Variants in TP53BP1 observed in about 807,000 individuals in gnomAD.
TP53BP1 encodes the protein tumor protein p53 binding protein 1.
TP53BP1 carries 61 observed loss-of-function variants against 200.8 expected under a neutral mutation model. That is an observed-to-expected ratio of 0.30 (90% CI 0.25 to 0.38). TP53BP1 has a LOEUF of 0.38. Ranked by LOEUF, TP53BP1 falls within the 10% of genes least tolerant of loss-of-function variation. The pLI is 1.00. For synonymous variants in TP53BP1, 822 were observed against 844.3 expected, an observed-to-expected ratio of 0.97 and a Z score of 0.46; for missense variants, 2,144 against 2,371.9, an observed-to-expected ratio of 0.90 and a Z score of 2.00.
chr15:43,510,573 G>T, exon 1 of TP53BP1: 1 of 182,854 alleles, frequency 5.5e-6, no homozygotes, highest in African/African-American at 2.4e-5. Context: ...TGGAGGCAAC[G>T]ATACAAACTC....
chr15:43,474,551 T>G (rs2046809670), intron 10 of TP53BP1, 122 bp downstream of exon 10: 3 of 575,328 alleles, frequency 5.2e-6, no homozygotes, highest in Non-Finnish European at 9.1e-6. Flanking sequence ...CAAACATGAG[T>G]CCTACCGAAT....
chr15:43,491,672 C>T lies in TP53BP1; in HGVS notation c.368G>A (p.Ser123Asn), dbSNP rs1312529923. ...AACCCCTTCAAACACTGTATACCTG[C>T]TTGTCCTGTTTGGCTGAGGTAACTG... ...IEQLPQPNRTSSVLGMSVESA... is the reference protein window; with the variant it reads ...IEQLPQPNRTNSVLGMSVESA... The change falls in exon 4 of 28, where the codon AGC (serine) becomes AAC (asparagine). Residue 123 changes from serine to asparagine, a missense_variant. Coordinates refer to ENST00000382044, the MANE Select transcript of TP53BP1 (RefSeq NM_001141980.3). 1.2e-6 allele frequency: 2 copies of T among 1,611,596 alleles called. No individual in the cohort carries two copies. The highest frequency in any genetic ancestry group is 1.1e-5 in the South Asian group (1 of 91,018).
At position 43,492,009 on chromosome 15, in the gene TP53BP1, CTTG is replaced by C. The variant is rs1219971001; in HGVS notation, c.276_278del (p.Asn92del). The C allele has an allele frequency of 6.2e-7, 1 of 1,613,302 alleles. No individual in the cohort carries two copies. On this transcript the variant is annotated inframe_deletion, in exon 3 of 28. Transcript: ENST00000382044. ...TAGCTTTAAACACCTCACCTGCAACCTTGTTTTCTTTCAAATGTTCATTGAACC... is the reference window on the plus strand; with the variant it reads ...TAGCTTTAAACACCTCACCTGCAACCTTTTCTTTCAAATGTTCATTGAACC...
At position 43,404,334 on chromosome 15, in the gene TP53BP1, C is replaced by A; in HGVS notation, c.*3049G>T. On this transcript the variant is annotated 3_prime_UTR_variant, in exon 28 of 28. Transcript: ENST00000382044. ...TTTTGAACAAGGCTTTTCCAAGAAA[C>A]TCCTCCCTCCGCCCCCATCCTCCAT... 1 of 1,550,664 alleles carries A rather than the reference C, an allele frequency of 6.4e-7. No individual in the cohort carries two copies. The highest frequency in any genetic ancestry group is 8.7e-7 in the Non-Finnish European group (1 of 1,144,108).
chr15:43,466,563 T>C (rs2046584709), intron 11 of TP53BP1, among the ~76,000 whole-genome samples: 1 of 152,178 alleles, frequency 6.6e-6, no homozygotes, highest in East Asian at 1.9e-4. Flanking sequence ...AATTTTTTTA[T>C]GAAAATAGGC....
chr15:43,420,163 T>C lies in TP53BP1; in HGVS notation c.4681+142A>G, dbSNP rs974412656. ...CAAACAGAAAAGTCAGTGGCAAGAG[T>C]AACCAATTTTGTAGGAATGAAATTT... On this transcript the variant is annotated intron_variant, in intron 21 of 27. Coordinates refer to ENST00000382044, the MANE Select transcript of TP53BP1 (RefSeq NM_001141980.3). 52 of 793,720 alleles carry C rather than the reference T, an allele frequency of 6.6e-5. No individual in the cohort carries two copies. The South Asian group carries it at 9.1e-4, about 14-fold the overall frequency. 49.2% of individuals were successfully genotyped at this position (793,720 alleles called of 1,614,324 possible). A position where few individuals can be genotyped will look rare whatever the true frequency, so the allele number is the denominator to read the frequency against.
At chr15:43,415,841 A>G in intron 22 of TP53BP1, 32 bp from the exon 23 acceptor site, 2 of 1,591,586 alleles carry the variant, frequency 1.3e-6, no homozygotes, top group East Asian at 2.2e-5. Context: ...AGGTTGGTCA[A>G]ACTCTATGGT....
At chr15:43,475,918 C>T (rs572846008) in intron 8 of TP53BP1, among the ~76,000 whole-genome samples, 1 of 152,304 alleles carries the variant, frequency 6.6e-6, no homozygotes, top group African/African-American at 2.4e-5. Context: ...GAATAAAGAA[C>T]TGATGAAGAG....
intron 12 of TP53BP1, among the ~76,000 whole-genome samples, chr15:43,452,278 G>T (rs1037019041): frequency 6.6e-6 from 1 of 151,960 alleles, no homozygotes; most frequent in Admixed American, 6.6e-5. Flanking sequence ...AAAAACTATT[G>T]TTCTCGGCTG....
chr15:43,444,878 C>T (rs141994576), intron 14 of TP53BP1, among the ~76,000 whole-genome samples: 2 of 152,142 alleles, frequency 1.3e-5, no homozygotes, highest in African/African-American at 4.8e-5. Context: ...TAATCTATGC[C>T]TCCCTCTTTT....
intron 26 of TP53BP1, 46 bp downstream of exon 26, chr15:43,408,851 G>C (rs1478715330): frequency 1.3e-6 from 2 of 1,577,844 alleles, no homozygotes; most frequent in African/African-American, 2.7e-5. Context: ...TCCAAAGCTT[G>C]CTGTCCTCCT....
At chr15:43,470,384 T>C (rs1354158746) in intron 10 of TP53BP1, among the ~76,000 whole-genome samples, 1 of 152,240 alleles carries the variant, frequency 6.6e-6, no homozygotes, top group Non-Finnish European at 1.5e-5. Context: ...GTTTTTCACA[T>C]TTCCTGTAGA....
At chr15:43,467,683 G>C in intron 11 of TP53BP1, among the ~76,000 whole-genome samples, 1 of 152,046 alleles carries the variant, frequency 6.6e-6, no homozygotes, top group East Asian at 1.9e-4. Flanking sequence ...GACCATAAAA[G>C]TCTCGTTTGG....
intron 12 of TP53BP1, among the ~76,000 whole-genome samples, chr15:43,452,488 G>A (rs950101558): frequency 5.9e-5 from 9 of 151,954 alleles, no homozygotes; most frequent in Admixed American, 4.6e-4. Context: ...ACCTGAGCCC[G>A]GGAGGTCAAG....
At chr15:43,496,825 T>C (rs2140169402), upstream of TP53BP1, among the ~76,000 whole-genome samples, 1 of 152,244 alleles carries the variant, frequency 6.6e-6, no homozygotes, top group Admixed American at 6.5e-5. Flanking sequence ...TTTCTCCATG[T>C]TGGTCAAGCA....
At chr15:43,416,678 G>A (rs557080235) in intron 21 of TP53BP1, 1 of 312,664 alleles carries the variant, frequency 3.2e-6, no homozygotes. Context: ...CCCAAAGACA[G>A]CCATTGTGGA....
chr15:43,415,403 G>C, intron 23 of TP53BP1, 191 bp downstream of exon 23: 2 of 710,534 alleles, frequency 2.8e-6, no homozygotes, highest in Non-Finnish European at 5.1e-6. Context: ...ACCCGCACTA[G>C]AGTCTGTAGG....
At position 43,420,696 on chromosome 15, in the gene TP53BP1, A is replaced by C; in HGVS notation, c.4290T>G (p.Ile1430Met). ...TATCATCTGGTGACAAGTTAGGTGAAATGTCCTCTATGCCCAAGGGGCCAG... is the reference window on the plus strand; with the variant it reads ...TATCATCTGGTGACAAGTTAGGTGACATGTCCTCTATGCCCAAGGGGCCAG... ...AVPGPLGIED[I>M]SPNLSPDDKS... Residue 1430 changes from isoleucine (I) to methionine (M), a missense_variant, in exon 21 of 28, where the codon ATT (isoleucine) becomes ATG (methionine). By Grantham distance (10) the Ile-to-Met change is conservative. Around this residue, in one of 4 missense-constraint regions of TP53BP1, gnomAD observed 1,700 missense variants for 1,710.3 expected, o/e 0.99. Coordinates refer to ENST00000382044, the MANE Select transcript of TP53BP1 (RefSeq NM_001141980.3). 1 of 1,614,182 alleles carries C rather than the reference A, an allele frequency of 6.2e-7. No individual in the cohort carries two copies. Among genetic ancestry groups the C allele is most frequent in the Non-Finnish European group, 8.5e-7 (1 of 1,180,034 alleles).
chr15:43,488,609 T>C (rs991335762), intron 4 of TP53BP1, among the ~76,000 whole-genome samples: 1 of 152,040 alleles, frequency 6.6e-6, no homozygotes, highest in African/African-American at 2.4e-5. Flanking sequence ...ATTTGGTGGA[T>C]TTGGCCAGGC....
Sources: allele counts gnomAD v4.1 joint callset (sites outside exome capture counted in the v4.1 genomes callset), GRCh38; gene constraint gnomAD v4.1.1; regional missense constraint gnomAD v4.1.1; transcripts MANE v1.5; gene names NCBI Gene and HGNC (gene_info 2026-07-23, HGNC 2026-07-21).